The following RLF variants were observed in gnomAD, a reference collection of about 807,000 sequenced individuals.
The protein encoded by RLF is RLF zinc finger.
RLF carries 7 observed loss-of-function variants against 162.9 expected under a neutral mutation model. The observed-to-expected ratio is 0.04, with a 90% CI of 0.02 to 0.08. The LOEUF (loss-of-function observed/expected upper bound fraction) is 0.08. Among genes scored for constraint, RLF ranks in the 10% least tolerant of loss-of-function variants. The probability of loss-of-function intolerance (pLI) is 1.00; values close to 1 mark genes in which losing one functional copy is unlikely to be tolerated. For missense variants in RLF, 1,664 were observed against 2,244.7 expected (o/e 0.74, Z 5.23); for synonymous variants, 782 against 791.5 (o/e 0.99, Z 0.20).
chr1:40,223,258 C>T (rs543294485), intron 6 of RLF, among the ~76,000 whole-genome samples: 9 of 152,018 alleles, frequency 5.9e-5, no homozygotes, highest in Middle Eastern at 3.4e-3. Flanking sequence ...TAAGTGTATC[C>T]GTGGTTCTTT....
At position 40,226,120 on chromosome 1, in the gene RLF, C is replaced by T. The variant is rs919332617; in HGVS notation, c.947+3410C>T. 3.3e-5 allele frequency among the ~76,000 whole-genome samples: 5 copies of T among 152,082 alleles called. No homozygotes were observed. The East Asian group carries it at 5.8e-4, about 18-fold the overall frequency. ...ACGGTTTTTATTATTTTAGAAATTT[C>T]GCTCAGAGACATTTACAAACCACAG... On this transcript the variant is annotated intron_variant, in intron 6 of 7. Transcript: ENST00000372771.
At position 40,219,173 on chromosome 1, in the gene RLF, T is replaced by TA. The variant is rs1642961431; in HGVS notation, c.811-3400dup. On this transcript the variant is annotated intron_variant, in intron 5 of 7. Transcript: ENST00000372771. ...TAACCATATTTTATTAGTGAGGTGTTATCTCATTTTAATTTACATGAATTT... is the reference window on the plus strand; with the variant it reads ...TAACCATATTTTATTAGTGAGGTGTTAATCTCATTTTAATTTACATGAATTT... 2.0e-5 allele frequency among the ~76,000 whole-genome samples: 3 copies of TA among 152,336 alleles called. No individual in the cohort carries two copies. The South Asian group carries it at 6.2e-4, about 32-fold the overall frequency.
chr1:40,183,443 T>C (rs1473753589), intron 1 of RLF, among the ~76,000 whole-genome samples: 3 of 152,182 alleles, frequency 2.0e-5, no homozygotes, highest in Non-Finnish European at 4.4e-5. Flanking sequence ...TCAGTGCCAT[T>C]GCTTGAAAAC....
chr1:40,202,813 A>G (rs530800139), intron 5 of RLF, among the ~76,000 whole-genome samples, 199 bp downstream of exon 5: 2 of 152,306 alleles, frequency 1.3e-5, no homozygotes, highest in East Asian at 1.9e-4. Context: ...AAAAGTAGAT[A>G]ACTAAAGAAT....
chr1:40,239,766 A>G lies in RLF; in HGVS notation c.5064A>G (p.Ile1688Met), dbSNP rs1014469240. The G allele has an allele frequency of 6.2e-7, 1 of 1,614,204 alleles. No individual in the cohort carries two copies. The highest frequency in any genetic ancestry group is 8.5e-7 in the Non-Finnish European group (1 of 1,180,014). Residue 1688 changes from isoleucine to methionine, a missense_variant, in exon 8 of 8, where the codon ATA becomes ATG. By Grantham distance (10) the Ile-to-Met change is conservative. Coordinates refer to ENST00000372771, the MANE Select transcript of RLF (RefSeq NM_012421.4). ...CCACTTCCCTAGAACAGTGTAATAT[A>G]GTTCAGCCTCCTCCTCCTTGTAAAA... is the stretch of plus-strand genomic sequence containing the variant. ...SKTTSLEQCNIVQPPPPCKIE... is the reference protein window; with the variant it reads ...SKTTSLEQCNMVQPPPPCKIE...
intron 1 of RLF, among the ~76,000 whole-genome samples, chr1:40,187,714 C>T (rs577554107): frequency 6.6e-6 from 1 of 152,112 alleles, no homozygotes; most frequent in Admixed American, 6.5e-5. Context: ...TTCTCTCTCT[C>T]TCTTTTTTTA....
intron 5 of RLF, among the ~76,000 whole-genome samples, chr1:40,216,046 CAA>C (rs1177606878): frequency 6.6e-6 from 1 of 151,782 alleles, no homozygotes; most frequent in Non-Finnish European, 1.5e-5. Flanking sequence ...TGAACAAGAA[CAA>C]AGAGAATACT....
At position 40,186,020 on chromosome 1, in the gene RLF, G is replaced by A. The variant is rs1306478091; in HGVS notation, c.238-3035G>A. 3.9e-5 allele frequency among the ~76,000 whole-genome samples: 6 copies of A among 152,148 alleles called. No individual in the cohort carries two copies. In the East Asian group the frequency reaches 1.2e-3, roughly 29 times the overall value. ...AAAAACAGGAAAATTAACCGAGCCT[G>A]GTGGCGCACAGTTGTAATCCCAGCT... On this transcript the variant is annotated intron_variant, in intron 1 of 7. Coordinates refer to ENST00000372771, the MANE Select transcript of RLF (RefSeq NM_012421.4).
intron 1 of RLF, among the ~76,000 whole-genome samples, chr1:40,177,288 C>A (rs989393933): frequency 6.7e-6 from 1 of 150,172 alleles, no homozygotes; most frequent in African/African-American, 2.5e-5. Context: ...GTATTTCTTT[C>A]TTTCTTTTTT....
At chr1:40,220,092 C>T (rs932288512) in intron 5 of RLF, among the ~76,000 whole-genome samples, 1 of 151,940 alleles carries the variant, frequency 6.6e-6, no homozygotes, top group African/African-American at 2.4e-5. Context: ...AAAAATTAGC[C>T]GGGCGTGGTG....
At chr1:40,210,140 ACT>A (rs1343828184) in intron 5 of RLF, among the ~76,000 whole-genome samples, 1 of 151,924 alleles carries the variant, frequency 6.6e-6, no homozygotes, top group East Asian at 1.9e-4. Context: ...TAACAACTTT[ACT>A]CTCTCAGCCT....
intron 5 of RLF, among the ~76,000 whole-genome samples, chr1:40,221,123 G>A (rs1466089839): frequency 6.6e-6 from 1 of 151,928 alleles, no homozygotes; most frequent in Non-Finnish European, 1.5e-5. Flanking sequence ...AACAGAGTAA[G>A]ACACTGTCTT....
rs558338341 is a variant in RLF, at chr1:40,199,144, G to C, written c.608-3268G>C. 2.0e-3 allele frequency among the ~76,000 whole-genome samples: 311 copies of C among 152,338 alleles called. 2 individuals carry two copies. Among genetic ancestry groups the C allele is most frequent in the African/African-American group, 7.2e-3 (299 of 41,576 alleles). Reference sequence around the variant, plus strand: ...TACCCAAGACCATGTAGTTACAATTGTGGAGGCAGAATTTGAGCCCAGGTG... The same window carrying C: ...TACCCAAGACCATGTAGTTACAATTCTGGAGGCAGAATTTGAGCCCAGGTG... On this transcript the variant is annotated intron_variant, in intron 4 of 7. Coordinates refer to ENST00000372771, the MANE Select transcript of RLF (RefSeq NM_012421.4).
In RLF at chr1:40,237,836, A is replaced by C; in HGVS notation, c.3134A>C (p.Glu1045Ala). Residue 1045 changes from glutamate to alanine, a missense_variant, in exon 8 of 8, where the codon GAA becomes GCA. By Grantham distance (107) the Glu-to-Ala change is moderately radical. This residue lies in a region of RLF where 295 missense variants were observed against 317.4 expected (regional missense o/e 0.93). Coordinates refer to ENST00000372771, the MANE Select transcript of RLF (RefSeq NM_012421.4). This position sits in a 1 kb window ranked among gnomAD's most constrained non-coding sequence, Gnocchi z 4.4. Reference sequence around the variant, plus strand: ...CGAGAACATCAAGGTTATTCCTCAGAATCCTCCATTTGTGCTTCTAAAAGG... The same window carrying C: ...CGAGAACATCAAGGTTATTCCTCAGCATCCTCCATTTGTGCTTCTAAAAGG... Reference protein sequence around the residue: ...CKREHQGYSSESSICASKRPC... With the variant: ...CKREHQGYSSASSICASKRPC... 1 of 1,614,132 alleles carries C rather than the reference A, an allele frequency of 6.2e-7. No individual in the cohort carries two copies. Among genetic ancestry groups the C allele is most frequent in the Non-Finnish European group, 8.5e-7 (1 of 1,180,004 alleles).
intron 6 of RLF, among the ~76,000 whole-genome samples, chr1:40,229,710 C>A (rs754745686): frequency 1.2e-4 from 18 of 151,868 alleles, no homozygotes; most frequent in Non-Finnish European, 2.2e-4. Flanking sequence ...GCCTTGGCCT[C>A]CCAAAGTGCT....
At chr1:40,174,911 A>G (rs894673953) in intron 1 of RLF, among the ~76,000 whole-genome samples, 2 of 152,132 alleles carry the variant, frequency 1.3e-5, no homozygotes, top group Non-Finnish European at 2.9e-5. Context: ...AAAATGTTAA[A>G]TCAAAGGGCC....
At chr1:40,165,388 T>C (rs1173038053) in intron 1 of RLF, among the ~76,000 whole-genome samples, 1 of 152,226 alleles carries the variant, frequency 6.6e-6, no homozygotes, top group Non-Finnish European at 1.5e-5. Context: ...TCATTTGACT[T>C]CTCAAGATCC....
At chr1:40,208,960 A>G (rs1384502538) in intron 5 of RLF, among the ~76,000 whole-genome samples, 4 of 152,180 alleles carry the variant, frequency 2.6e-5, no homozygotes, top group Non-Finnish European at 5.9e-5. Flanking sequence ...GCTTTTATAC[A>G]TATTAATCTG....
Position 40,228,819 on chromosome 1 carries a change from A to T in RLF, c.948-2698A>T, listed in dbSNP as rs894686397. ...TGAATTTTATTTTATTTGAGAGAAG[A>T]TATTACTCTGTCACCCAGGCTGGAG... is the stretch of plus-strand genomic sequence containing the variant. On this transcript the variant is annotated intron_variant, in intron 6 of 7. Transcript: ENST00000372771. 8.5e-5 allele frequency among the ~76,000 whole-genome samples: 13 copies of T among 152,112 alleles called. 1 individual carries two copies. Among genetic ancestry groups the T allele is most frequent in the East Asian group, 3.9e-4 (2 of 5,176 alleles).
Sources: gnomAD v4.1 joint callset for allele counts (sites outside exome capture counted in the v4.1 genomes callset) on GRCh38, gnomAD v4.1.1 for gene constraint, gnomAD v4.1.1 regional missense constraint, Gnocchi (gnomAD v3.1) non-coding constraint, MANE v1.5 for transcripts, NCBI Gene and HGNC (gene_info 2026-07-23, HGNC 2026-07-21) for gene names.